ANAPC10: variants seen among roughly 807,000 people sequenced by gnomAD.
ANAPC10 encodes anaphase-promoting complex subunit 10.
ANAPC10 carries 12 observed loss-of-function variants against 22.0 expected under a neutral mutation model. The ratio of observed to expected loss-of-function variants is 0.55; its 90% CI spans 0.35 to 0.88. The LOEUF (loss-of-function observed/expected upper bound fraction) is 0.88. ANAPC10 is among the 40% of genes least tolerant of loss of function. The pLI is 0.01. For synonymous variants in ANAPC10, 65 were observed against 69.5 expected (o/e 0.94, Z 0.32); for missense variants, 188 against 220.9 (o/e 0.85, Z 0.94).
At chr4:145,004,019 A>G (rs1330422121) in intron 4 of ANAPC10, among the ~76,000 whole-genome samples, 1 of 150,258 alleles carries the variant, frequency 6.7e-6, no homozygotes, top group African/African-American at 2.4e-5. Context: ...ATTTTATTTT[A>G]TTTTTTTTGA....
At chr4:145,063,960 G>A (rs1026134740) in intron 4 of ANAPC10, 1 of 151,998 alleles carries the variant, frequency 6.6e-6, no homozygotes, top group African/African-American at 2.4e-5. Context: ...CAGTATAATA[G>A]TTATTTCTGA....
chr4:145,027,946 C>T (rs1464788042), intron 4 of ANAPC10, among the ~76,000 whole-genome samples: 2 of 152,060 alleles, frequency 1.3e-5, no homozygotes, highest in Non-Finnish European at 2.9e-5. Context: ...CCAGGATGAT[C>T]TTAAAGGGAT....
chr4:145,096,914 A>C (rs1748617461), intron 1 of ANAPC10, among the ~76,000 whole-genome samples: 1 of 152,106 alleles, frequency 6.6e-6, no homozygotes, highest in Non-Finnish European at 1.5e-5. Flanking sequence ...TCTAGCTGTC[A>C]AAAGTTTTAT....
intron 4 of ANAPC10, chr4:145,034,982 G>A (rs1467089162): frequency 6.6e-6 from 1 of 152,476 alleles, no homozygotes; most frequent in Non-Finnish European, 1.5e-5. Context: ...TGTGGGCAGA[G>A]ATCTGAGAGG....
Position 145,004,158 on chromosome 4 carries a change from T to C in ANAPC10, c.328-8555A>G, listed in dbSNP as rs547774767. ...TCTCAGCTTGGATGTTGTTGGAGTA[T>C]AGGTATGCTACTGATTTTTGTACAC... On this transcript the variant is annotated intron_variant, in intron 4 of 4. Coordinates refer to ENST00000507656, the MANE Select transcript of ANAPC10 (RefSeq NM_001256706.2). Among the ~76,000 whole-genome samples, 23 of 152,294 alleles carry C rather than the reference T, an allele frequency of 1.5e-4. No homozygotes were observed. In the South Asian group the frequency reaches 2.1e-3, roughly 14 times the overall value.
At chr4:145,049,229 A>AGATT (rs1740750715) in intron 4 of ANAPC10, among the ~76,000 whole-genome samples, 1 of 152,234 alleles carries the variant, frequency 6.6e-6, no homozygotes, top group African/African-American at 2.4e-5. Context: ...GGCTACTGAC[A>AGATT]GATTAAGGTG....
chr4:145,016,947 T>C (rs986145982), intron 4 of ANAPC10, among the ~76,000 whole-genome samples: 5 of 152,210 alleles, frequency 3.3e-5, no homozygotes, highest in Admixed American at 3.3e-4. Flanking sequence ...GATCCCTTCC[T>C]TACACCTTAC....
chr4:145,044,972 G>C (rs1382554023), intron 4 of ANAPC10, among the ~76,000 whole-genome samples: 2 of 151,776 alleles, frequency 1.3e-5, no homozygotes, highest in African/African-American at 2.4e-5. Flanking sequence ...TAAACATTCG[G>C]AAGTTTTTTT....
chr4:145,012,186 A>ATG (rs1734444667), intron 4 of ANAPC10, among the ~76,000 whole-genome samples: 1 of 147,990 alleles, frequency 6.8e-6, no homozygotes, highest in South Asian at 2.1e-4. Context: ...GTATATATAT[A>ATG]TATATATATA....
intron 4 of ANAPC10, among the ~76,000 whole-genome samples, chr4:145,015,324 A>T (rs543087334): frequency 6.6e-6 from 1 of 152,090 alleles, no homozygotes; most frequent in South Asian, 2.1e-4. Context: ...GAAATGAACA[A>T]GCAGAAGAAA....
chr4:145,058,126 G>C (rs1309280432), intron 4 of ANAPC10, among the ~76,000 whole-genome samples: 1 of 152,076 alleles, frequency 6.6e-6, no homozygotes, highest in Non-Finnish European at 1.5e-5. Flanking sequence ...GTAAACTTAT[G>C]TATGGGAACC....
intron 3 of ANAPC10, among the ~76,000 whole-genome samples, chr4:145,065,270 A>G (rs1743512910): frequency 6.6e-6 from 1 of 151,990 alleles, no homozygotes; most frequent in African/African-American, 2.4e-5. Flanking sequence ...GAAAGAAGAA[A>G]CACATAATAG....
At chr4:145,010,357 T>C (rs1002426722) in intron 4 of ANAPC10, among the ~76,000 whole-genome samples, 19 of 152,148 alleles carry the variant, frequency 1.2e-4, no homozygotes, top group Non-Finnish European at 1.5e-5. Context: ...CAAGCTGCTA[T>C]AAAGACACAC....
At chr4:145,064,901 T>C in intron 3 of ANAPC10, among the ~76,000 whole-genome samples, 1 of 151,952 alleles carries the variant, frequency 6.6e-6, no homozygotes. Context: ...ATGTTAATTA[T>C]ACAGACACCT....
chr4:145,054,733 T>G (rs1206601891), intron 4 of ANAPC10, among the ~76,000 whole-genome samples: 1 of 151,494 alleles, frequency 6.6e-6, no homozygotes, highest in African/African-American at 2.4e-5. Context: ...CATGTGTCCA[T>G]GGAACTCAGG....
upstream of ANAPC10, chr4:145,098,542 G>C (rs1462516654): frequency 6.6e-6 from 1 of 152,362 alleles, no homozygotes; most frequent in African/African-American, 2.4e-5. Context: ...AGCAGCGCGT[G>C]GCAGCGGTTC....
At chr4:145,046,527 C>T (rs144524460) in intron 4 of ANAPC10, among the ~76,000 whole-genome samples, 195 of 152,004 alleles carry the variant, frequency 1.3e-3, no homozygotes, top group African/African-American at 3.9e-3. Flanking sequence ...TTTGACACAA[C>T]GGATAAAGAT....
intron 4 of ANAPC10, among the ~76,000 whole-genome samples, chr4:145,003,375 A>G (rs1489586125): frequency 6.6e-6 from 1 of 152,198 alleles, no homozygotes; most frequent in African/African-American, 2.4e-5. Flanking sequence ...AACGATTTAT[A>G]TTCCCTTGGG....
At chr4:145,020,922 C>T (rs557104283) in intron 4 of ANAPC10, among the ~76,000 whole-genome samples, 1 of 151,710 alleles carries the variant, frequency 6.6e-6, no homozygotes, top group Admixed American at 6.6e-5. Flanking sequence ...AGGAAAACTA[C>T]AAAACACCAC....
Sources: gnomAD v4.1 joint callset for allele counts (sites outside exome capture counted in the v4.1 genomes callset) on GRCh38, gnomAD v4.1.1 for gene constraint, MANE v1.5 for transcripts, NCBI Gene and HGNC (gene_info 2026-07-23, HGNC 2026-07-21) for gene names.